Variants in MLXIPL observed in about 807,000 individuals in gnomAD.
MLXIPL encodes the protein MLX interacting protein like.
MLXIPL carries 49 observed loss-of-function variants against 81.5 expected under a neutral mutation model. That is an observed-to-expected ratio of 0.60 (90% CI 0.48 to 0.76). The LOEUF (loss-of-function observed/expected upper bound fraction) is 0.76. Ranked by LOEUF, MLXIPL falls within the 30% of genes least tolerant of loss-of-function variation. The pLI is 0.00. For synonymous variants in MLXIPL, 466 were observed against 485.5 expected (o/e 0.96, Z 0.53); for missense variants, 1,053 against 1,167.0 (o/e 0.90, Z 1.42).
At position 73,607,335 on chromosome 7, in the gene MLXIPL, T is replaced by C. The variant is rs1554598555; in HGVS notation, c.569A>G (p.Lys190Arg). Residue 190 changes from lysine (K) to arginine (R), a missense_variant, in exon 4 of 17, where the codon AAG (lysine) becomes AGG (arginine). Transcript: ENST00000313375. The part of the protein sequence containing the change: ...EYHKWRIYYK[K>R]RLRKPSREDD... ...CCCTGGCCCTCCCCCACTGACCCGC[T>C]TCTTGTAGTAGATGCGCCACTTGTG... 1 of 1,563,720 alleles carries C rather than the reference T, an allele frequency of 6.4e-7. No individual in the cohort carries two copies. Among genetic ancestry groups the C allele is most frequent in the Non-Finnish European group, 8.7e-7 (1 of 1,153,570 alleles).
chr7:73,610,640 G>T (rs1191481775), intron 2 of MLXIPL: 2 of 152,012 alleles, frequency 1.3e-5, no homozygotes, highest in African/African-American at 4.8e-5. Context: ...TGCCCAGCTG[G>T]TTTTTTGTAT....
the MLXIPL span, among the ~76,000 whole-genome samples, chr7:73,630,501 C>A: frequency 6.6e-6 from 1 of 151,760 alleles, no homozygotes; most frequent in African/African-American, 2.4e-5. Flanking sequence ...CCATGTTGGC[C>A]AGGCTGGTCT....
chr7:73,596,994 C>T lies in MLXIPL; in HGVS notation c.1604-62G>A, dbSNP rs890977277. On this transcript the variant is annotated intron_variant, in intron 9 of 16. Transcript: ENST00000313375. The surrounding 1 kb of genome is among the most constrained non-coding windows in gnomAD (Gnocchi z 4.7). ...GCCCACCCCCGGCATCTATCAAGACCCCATCCTGCCCCTCCCAAGAGTCCA... is the reference window on the plus strand; with the variant it reads ...GCCCACCCCCGGCATCTATCAAGACTCCATCCTGCCCCTCCCAAGAGTCCA... 2.6e-6 allele frequency: 4 copies of T among 1,556,744 alleles called. No homozygotes were observed. The highest frequency in any genetic ancestry group is 3.8e-5 in the Admixed American group (2 of 52,384).
At chr7:73,635,245 C>A in the MLXIPL span, among the ~76,000 whole-genome samples, 1 of 150,554 alleles carries the variant, frequency 6.6e-6, no homozygotes, top group African/African-American at 2.4e-5. Flanking sequence ...CTGGTCTCAA[C>A]TGAAAATCAT....
At chr7:73,638,591 GCTTTAATTCCCAAC>G in the MLXIPL span, among the ~76,000 whole-genome samples, 1 of 151,542 alleles carries the variant, frequency 6.6e-6, no homozygotes, top group African/African-American at 2.4e-5. Flanking sequence ...CTCAACTAAG[GCTTTAATTCCCAAC>G]CCAGTACTTT....
At chr7:73,631,011 CTTTTT>C in the MLXIPL span, among the ~76,000 whole-genome samples, 5 of 144,192 alleles carry the variant, frequency 3.5e-5, no homozygotes, top group African/African-American at 1.3e-4. Context: ...CTAGGGAATA[CTTTTT>C]TTTTTTTTTT....
chr7:73,646,949 C>T, the MLXIPL span, among the ~76,000 whole-genome samples: 1 of 152,072 alleles, frequency 6.6e-6, no homozygotes, highest in South Asian at 2.1e-4. Flanking sequence ...TTGGAGTGGG[C>T]CACACTGTCC....
intron 2 of MLXIPL, chr7:73,610,610 A>C (rs1170384349): frequency 6.6e-6 from 1 of 152,340 alleles, no homozygotes; most frequent in African/African-American, 2.4e-5. Flanking sequence ...AGTAGCTGGG[A>C]CTATAGGCAT....
At chr7:73,634,940 C>T in the MLXIPL span, among the ~76,000 whole-genome samples, 12 of 150,848 alleles carry the variant, frequency 8.0e-5, no homozygotes, top group East Asian at 5.8e-4. Flanking sequence ...CTCAGCCTCC[C>T]GAGTAGCTGG....
chr7:73,647,474 T>C, the MLXIPL span, among the ~76,000 whole-genome samples: 5 of 152,086 alleles, frequency 3.3e-5, no homozygotes, highest in African/African-American at 1.2e-4. Flanking sequence ...CCCAGCCCAG[T>C]CCAGCCAGTG....
upstream of MLXIPL, among the ~76,000 whole-genome samples, chr7:73,627,185 C>A (rs978153811): frequency 3.3e-5 from 5 of 152,056 alleles, no homozygotes; most frequent in African/African-American, 1.2e-4. Context: ...TTCTGATGCT[C>A]ACCCCACTCT....
In MLXIPL at chr7:73,596,420, C is replaced by A; in HGVS notation, c.1882G>T (p.Val628Phe). 6.2e-7 allele frequency: 1 copy of A among 1,612,806 alleles called. No homozygotes were observed. The highest frequency in any genetic ancestry group is 8.5e-7 in the Non-Finnish European group (1 of 1,179,926). ...ATGGGTTGCGGGGGAGAGACACGGA[C>A]GCTCAGAGTCCCAGGGCCTGGCATG... ...SSMPGPGTLS[V>F]RVSPPQPILS... Residue 628 changes from valine (V) to phenylalanine (F), a missense_variant, in exon 12 of 17, where the codon GTC (valine) becomes TTC (phenylalanine). This residue lies in a region of MLXIPL where 823 missense variants were observed against 933.0 expected (regional missense o/e 0.88). Transcript: ENST00000313375. This position sits in a 1 kb window ranked among gnomAD's most constrained non-coding sequence, Gnocchi z 4.7.
chr7:73,636,804 A>G, the MLXIPL span, among the ~76,000 whole-genome samples: 1 of 152,190 alleles, frequency 6.6e-6, no homozygotes, highest in African/African-American at 2.4e-5. Context: ...GCTCACGCCT[A>G]TAATCCCAGC....
the MLXIPL span, among the ~76,000 whole-genome samples, chr7:73,632,123 G>T: frequency 6.6e-6 from 1 of 151,274 alleles, no homozygotes; most frequent in Non-Finnish European, 1.5e-5. Flanking sequence ...CTCCTAAGTA[G>T]CTGGGACCAC....
chr7:73,631,933 C>A, the MLXIPL span, among the ~76,000 whole-genome samples: 1 of 111,726 alleles, frequency 9.0e-6, no homozygotes. Context: ...CTCCCCTCCC[C>A]TCCTCTTCTT....
intron 4 of MLXIPL, 134 bp from the exon 5 acceptor site, chr7:73,607,152 G>T: frequency 7.5e-7 from 1 of 1,329,144 alleles, no homozygotes; most frequent in Non-Finnish European, 1.1e-6. Context: ...CCTAGGTAAG[G>T]AGGCCGCTAG....
intron 9 of MLXIPL, 115 bp from the exon 10 acceptor site, chr7:73,597,047 C>CCCTCATT: frequency 6.9e-7 from 1 of 1,452,114 alleles, no homozygotes; most frequent in Non-Finnish European, 9.4e-7. Context: ...GGCCCCACAT[C>CCCTCATT]CCTCATTCCT....
the MLXIPL span, among the ~76,000 whole-genome samples, chr7:73,638,668 G>A: frequency 6.6e-6 from 1 of 152,036 alleles, no homozygotes; most frequent in African/African-American, 2.4e-5. Context: ...TGTGGCCCAG[G>A]TTGGAGTGCA....
chr7:73,604,613 A>T (rs927585935), intron 7 of MLXIPL, among the ~76,000 whole-genome samples: 6 of 152,010 alleles, frequency 3.9e-5, no homozygotes, highest in Non-Finnish European at 7.4e-5. Context: ...TAGAAACATA[A>T]CAGAAGAGAA....
Sources: allele counts gnomAD v4.1 joint callset (sites outside exome capture counted in the v4.1 genomes callset), GRCh38; gene constraint gnomAD v4.1.1; regional missense constraint gnomAD v4.1.1; non-coding constraint Gnocchi (gnomAD v3.1); transcripts MANE v1.5; gene names NCBI Gene and HGNC (gene_info 2026-07-23, HGNC 2026-07-21).